Variants in KCNIP1 observed in about 807,000 individuals in gnomAD.
The protein encoded by KCNIP1 is potassium voltage-gated channel interacting protein 1.
KCNIP1 carries 18 observed loss-of-function variants against 33.0 expected under a neutral mutation model. The ratio of observed to expected loss-of-function variants is 0.55; its 90% CI spans 0.38 to 0.81. The LOEUF is 0.81. KCNIP1 is among the 30% of genes least tolerant of loss of function. KCNIP1 has a pLI of 0.00. For missense variants in KCNIP1, 238 were observed against 271.6 expected (o/e 0.88, Z 0.87); for synonymous variants, 93 against 98.3 (o/e 0.95, Z 0.32).
At chr5:170,717,561 T>C (rs1224593448) in intron 1 of KCNIP1, among the ~76,000 whole-genome samples, 3 of 152,236 alleles carry the variant, frequency 2.0e-5, no homozygotes, top group Non-Finnish European at 4.4e-5. Flanking sequence ...TTTGGGGATA[T>C]GTACAAGATA....
rs528108690 is a variant in KCNIP1, at chr5:170,521,244, C to T, written c.61+16611C>T. ...TTTTTATTCTGAGCTAGAATGTGAC[C>T]TCAGAATCTTTCTTAACACAATGCT... On this transcript the variant is annotated intron_variant, in intron 1 of 7. Coordinates refer to ENST00000328939, the MANE Select transcript of KCNIP1 (RefSeq NM_014592.4). Among the ~76,000 whole-genome samples the T allele has an allele frequency of 5.9e-5, 9 of 152,274 alleles. 1 individual carries two copies. The South Asian group carries it at 1.9e-3, about 32-fold the overall frequency.
At chr5:170,402,364 C>A (rs1281844375) in intron 1 of KCNIP1, among the ~76,000 whole-genome samples, 2 of 152,130 alleles carry the variant, frequency 1.3e-5, no homozygotes, top group Admixed American at 6.5e-5. Context: ...CCACGATGGA[C>A]TAACTGCCGC....
At chr5:170,396,030 G>A (rs1754752748) in intron 1 of KCNIP1, among the ~76,000 whole-genome samples, 1 of 152,218 alleles carries the variant, frequency 6.6e-6, no homozygotes, top group Non-Finnish European at 1.5e-5. Context: ...AGTGATGGGA[G>A]TAGCTATACT....
chr5:170,418,575 A>T (rs1043545987), intron 1 of KCNIP1, among the ~76,000 whole-genome samples: 2 of 152,102 alleles, frequency 1.3e-5, no homozygotes, highest in Admixed American at 1.3e-4. Context: ...TACAATTCAG[A>T]TCCTATCCAG....
intron 1 of KCNIP1, among the ~76,000 whole-genome samples, chr5:170,619,660 G>T (rs1032563773): frequency 1.4e-4 from 21 of 152,222 alleles, no homozygotes; most frequent in Admixed American, 6.5e-5. Flanking sequence ...AAGCAACAGA[G>T]ATAAGAGATA....
At chr5:170,507,569 G>T (rs1303358143) in intron 1 of KCNIP1, among the ~76,000 whole-genome samples, 1 of 152,194 alleles carries the variant, frequency 6.6e-6, no homozygotes, top group Non-Finnish European at 1.5e-5. Context: ...CCAGCACACA[G>T]ATGCTCGTCC....
intron 1 of KCNIP1, among the ~76,000 whole-genome samples, chr5:170,490,982 G>A (rs1257222747): frequency 6.6e-6 from 1 of 152,216 alleles, no homozygotes; most frequent in Non-Finnish European, 1.5e-5. Flanking sequence ...TTCTCAGGCT[G>A]ATCCCTTCAG....
chr5:170,690,581 G>A (rs1762687038), intron 1 of KCNIP1, among the ~76,000 whole-genome samples: 1 of 152,208 alleles, frequency 6.6e-6, no homozygotes, highest in South Asian at 2.1e-4. Context: ...CATGGCAAGG[G>A]ATATGATAAT....
chr5:170,385,314 C>G (rs1764421803), intron 1 of KCNIP1: 4 of 1,614,080 alleles, frequency 2.5e-6, no homozygotes, highest in Non-Finnish European at 3.4e-6. Flanking sequence ...AGCTCAGTAC[C>G]TTTTCTGGTA....
intron 7 of KCNIP1, 77 bp from the exon 8 acceptor site, chr5:170,735,682 C>T (rs1014119732): frequency 1.6e-6 from 2 of 1,262,152 alleles, no homozygotes; most frequent in Non-Finnish European, 2.3e-6. Flanking sequence ...CCATGCTTGA[C>T]ATTTGCTCAC....
At chr5:170,385,233 G>T in intron 1 of KCNIP1, 1 of 1,469,224 alleles carries the variant, frequency 6.8e-7, no homozygotes, top group Non-Finnish European at 9.5e-7. Context: ...GGAGAGGGGT[G>T]AGTAGAAGGC....
intron 1 of KCNIP1, among the ~76,000 whole-genome samples, chr5:170,409,559 TG>T: frequency 6.6e-6 from 1 of 152,324 alleles, no homozygotes; most frequent in Middle Eastern, 3.4e-3. Context: ...TGAGGCAGTC[TG>T]GGTTCCAATC....
intron 1 of KCNIP1, among the ~76,000 whole-genome samples, chr5:170,398,324 C>T (rs1246234939): frequency 6.6e-6 from 1 of 152,156 alleles, no homozygotes; most frequent in Non-Finnish European, 1.5e-5. Flanking sequence ...ACTGGACCTC[C>T]AAGCCAAAAT....
chr5:170,685,563 AC>A (rs757965734), intron 1 of KCNIP1, among the ~76,000 whole-genome samples: 65 of 152,062 alleles, frequency 4.3e-4, no homozygotes, highest in Admixed American at 2.0e-3. Context: ...ATCTCAGCTC[AC>A]TGAAACCTCT....
chr5:170,568,393 T>G (rs1343399849), intron 1 of KCNIP1, among the ~76,000 whole-genome samples: 1 of 152,066 alleles, frequency 6.6e-6, no homozygotes, highest in African/African-American at 2.4e-5. Context: ...GTCCATAAAC[T>G]TCCTCCTGAT....
At chr5:170,617,233 A>T (rs895470279) in intron 1 of KCNIP1, among the ~76,000 whole-genome samples, 1 of 152,088 alleles carries the variant, frequency 6.6e-6, no homozygotes, top group Non-Finnish European at 1.5e-5. Flanking sequence ...CAGCACTCAG[A>T]CTGGGGCATT....
chr5:170,519,608 C>T (rs563030477), intron 1 of KCNIP1, among the ~76,000 whole-genome samples: 61 of 152,116 alleles, frequency 4.0e-4, no homozygotes, highest in African/African-American at 1.4e-3. Context: ...AATTTGTCTC[C>T]GAGGCAGCAC....
At chr5:170,533,618 T>C (rs539168086) in intron 1 of KCNIP1, among the ~76,000 whole-genome samples, 3 of 152,266 alleles carry the variant, frequency 2.0e-5, no homozygotes, top group South Asian at 4.1e-4. Flanking sequence ...ACTGGATCAG[T>C]CACTCAACAC....
intron 1 of KCNIP1, among the ~76,000 whole-genome samples, chr5:170,359,588 G>A (rs1389245384): frequency 1.3e-5 from 2 of 152,186 alleles, no homozygotes; most frequent in Non-Finnish European, 2.9e-5. Context: ...GAACCTCTGA[G>A]TGCCAGTGCT....
Sources: gnomAD v4.1 joint callset for allele counts (sites outside exome capture counted in the v4.1 genomes callset) on GRCh38, gnomAD v4.1.1 for gene constraint, MANE v1.5 for transcripts, NCBI Gene and HGNC (gene_info 2026-07-23, HGNC 2026-07-21) for gene names.